The following PHF6 variants were observed in gnomAD, a reference collection of about 807,000 sequenced individuals.
PHF6 encodes the protein PHD-like zinc finger protein.
Under a neutral mutation model 34.0 loss-of-function variants are expected in PHF6, and 7 were observed. The observed-to-expected ratio is 0.21, with a 90% CI of 0.12 to 0.39. PHF6 has a LOEUF of 0.39. PHF6 is among the 10% of genes least tolerant of loss of function. PHF6 has a pLI of 1.00. For missense variants in PHF6, 128 were observed against 262.8 expected (o/e 0.49, Z 3.55); for synonymous variants, 89 against 88.4 (o/e 1.01, Z -0.04).
At chrX:134,418,673 A>G (rs989549884) in intron 9 of PHF6, 1 of 111,953 alleles carries the variant, frequency 8.9e-6, no homozygotes, top group African/African-American at 3.2e-5. Flanking sequence ...AGTGAGTTCT[A>G]TAAAGCCTTT....
intron 3 of PHF6, among the ~76,000 whole-genome samples, chrX:134,388,646 A>G (rs1432347851): frequency 1.8e-5 from 2 of 111,946 alleles, no homozygotes; most frequent in South Asian, 3.7e-4. Flanking sequence ...TCAGTTCCCT[A>G]TGGCTCTATC....
chrX:134,383,581 A>G (rs889278612), intron 3 of PHF6, among the ~76,000 whole-genome samples: 1 of 112,057 alleles, frequency 8.9e-6, no homozygotes, highest in Non-Finnish European at 1.9e-5. Flanking sequence ...AGTAGTAGAA[A>G]TAGAAATAGC....
chrX:134,413,655 T>C lies in PHF6; in HGVS notation c.583T>C (p.Tyr195His). The C allele has an allele frequency of 1.7e-6, 2 of 1,210,538 alleles. No homozygotes were observed. Among genetic ancestry groups the C allele is most frequent in the Non-Finnish European group, 2.2e-6 (2 of 894,330 alleles). The change falls in exon 6 of 11, where the codon TAT becomes CAT. Residue 195 changes from tyrosine (Y) to histidine (H), a missense_variant and splice_region_variant. Physicochemically the swap from Tyr to His is moderately conservative, Grantham distance 83 (BLOSUM62 2). Coordinates refer to ENST00000370803, the MANE Select transcript of PHF6 (RefSeq NM_001015877.2). ...HGTDEMESSS[Y>H]RDRSPHRSSP... Reference sequence around the variant, plus strand: ...AACAGATGAAATGGAAAGTAGTTCCTATGTAAGTAAAAAAAACTGTTGGAT... The same window carrying C: ...AACAGATGAAATGGAAAGTAGTTCCCATGTAAGTAAAAAAAACTGTTGGAT...
Position 134,412,586 on chromosome X carries a change from C to A in PHF6, c.419-905C>A, listed in dbSNP as rs1250376468. On this transcript the variant is annotated intron_variant, in intron 5 of 10. Transcript: ENST00000370803. ...AACTTTCCATAGTTTGAGCCTATGG[C>A]AAGTGAACATTTGGTTTTTATTACC... 2.7e-5 allele frequency among the ~76,000 whole-genome samples: 3 copies of A among 111,543 alleles called. No homozygotes were observed. In the East Asian group the frequency reaches 8.4e-4, roughly 31 times the overall value.
intron 3 of PHF6, among the ~76,000 whole-genome samples, chrX:134,382,275 G>C (rs1272009497): frequency 9.0e-6 from 1 of 111,659 alleles, no homozygotes; most frequent in Non-Finnish European, 1.9e-5. Flanking sequence ...AGGCTTTTAT[G>C]ATTTGATGCC....
chrX:134,374,318 G>C (rs1036571066), intron 1 of PHF6, among the ~76,000 whole-genome samples: 10 of 111,905 alleles, frequency 8.9e-5, no homozygotes, highest in Admixed American at 1.9e-4. Context: ...TATTTATACT[G>C]TTCAAATTCT....
Position 134,385,704 on chromosome X carries a change from G to A in PHF6, c.240+7598G>A, listed in dbSNP as rs2077328706. Among the ~76,000 whole-genome samples the A allele has an allele frequency of 5.4e-5, 6 of 111,765 alleles. No homozygotes were observed. The Admixed American group carries it at 5.7e-4, about 11-fold the overall frequency. ...ACAACTTGAGCAGTTTGAAAAGGGA[G>A]GAGAGTAATTTAGAGGGAAAAATGA... On this transcript the variant is annotated intron_variant, in intron 3 of 10. Coordinates refer to ENST00000370803, the MANE Select transcript of PHF6 (RefSeq NM_001015877.2).
In PHF6 at chrX:134,415,113, A is replaced by G; in HGVS notation, c.827A>G (p.Lys276Arg). Residue 276 changes from lysine (K) to arginine (R), a missense_variant, in exon 8 of 11, where the codon AAA becomes AGA. By Grantham distance (26) the Lys-to-Arg change is conservative. Around this residue, in one of 3 missense-constraint regions of PHF6, gnomAD observed 16 missense variants for 93.7 expected, o/e 0.17. Coordinates refer to ENST00000370803, the MANE Select transcript of PHF6 (RefSeq NM_001015877.2). ...GTACTTCAGGAGATTAAACGAGGAA[A>G]AAGAATGGTCTGTAGTTTTTATATT... ...KTVLQEIKRG[K>R]RMKCTLCSQP... 2 of 1,207,700 alleles carry G rather than the reference A, an allele frequency of 1.7e-6. No homozygotes were observed. The highest frequency in any genetic ancestry group is 2.2e-6 in the Non-Finnish European group (2 of 891,966).
intron 5 of PHF6, among the ~76,000 whole-genome samples, chrX:134,405,108 T>TC (rs2077417546): frequency 8.9e-6 from 1 of 112,163 alleles, no homozygotes; most frequent in South Asian, 3.7e-4. Flanking sequence ...CATGTGCTCT[T>TC]CCTTAGATGA....
chrX:134,420,043 G>A (rs1354395615), intron 9 of PHF6: 1 of 111,495 alleles, frequency 9.0e-6, no homozygotes, highest in Non-Finnish European at 1.9e-5. Flanking sequence ...GCCAGGCAAA[G>A]TGGCACACGC....
chrX:134,374,865 C>G (rs1002326133), intron 1 of PHF6, among the ~76,000 whole-genome samples: 7 of 111,826 alleles, frequency 6.3e-5, no homozygotes, highest in Non-Finnish European at 1.3e-4. Flanking sequence ...TGCGATGTTT[C>G]TTTTAAAGAA....
At chrX:134,403,694 G>C (rs940063853) in intron 5 of PHF6, among the ~76,000 whole-genome samples, 1 of 111,923 alleles carries the variant, frequency 8.9e-6, no homozygotes, top group Non-Finnish European at 1.9e-5. Flanking sequence ...TGGCCTCAAA[G>C]CTTCAAAAGA....
At chrX:134,373,588 C>T (rs1283257503) in intron 1 of PHF6, 121 bp downstream of exon 1, 2 of 111,166 alleles carry the variant, frequency 1.8e-5, no homozygotes, top group Non-Finnish European at 3.8e-5. Context: ...GGTGGTCTCG[C>T]TTTATTGTCA....
chrX:134,399,686 G>C (rs112679846), intron 5 of PHF6, among the ~76,000 whole-genome samples: 6 of 95,523 alleles, frequency 6.3e-5, no homozygotes, highest in African/African-American at 1.6e-4. Context: ...CACACACACA[G>C]ACACACACAC....
At chrX:134,400,120 G>A (rs751363379) in intron 5 of PHF6, among the ~76,000 whole-genome samples, 3 of 110,829 alleles carry the variant, frequency 2.7e-5, no homozygotes, top group East Asian at 5.6e-4. Flanking sequence ...ACTCTATCAC[G>A]CAGGCTGGAA....
At position 134,413,536 on chromosome X, in the gene PHF6, C is replaced by T; in HGVS notation, c.464C>T (p.Ser155Leu). 1 of 1,210,434 alleles carries T rather than the reference C, an allele frequency of 8.3e-7. No individual in the cohort carries two copies. The highest frequency in any genetic ancestry group is 1.1e-6 in the Non-Finnish European group (1 of 895,197). Residue 155 changes from serine (S) to leucine (L), a missense_variant, in exon 6 of 11, where the codon TCA becomes TTA. Physicochemically the swap from Ser to Leu is moderately radical, Grantham distance 145. This residue lies in a region of PHF6 where 97 missense variants were observed against 152.9 expected (regional missense o/e 0.63). Transcript: ENST00000370803. Reference sequence around the variant, plus strand: ...AATGAACATGAACTGGAGCCCTCATCACCTAAAAGTAAAAAGAAAAGTCGC... The same window carrying T: ...AATGAACATGAACTGGAGCCCTCATTACCTAAAAGTAAAAAGAAAAGTCGC... ...SFNEHELEPSSPKSKKKSRKG... is the reference protein window; with the variant it reads ...SFNEHELEPSLPKSKKKSRKG...
rs751688121 is a variant in PHF6, at chrX:134,415,229, T to C, written c.834+109T>C. ...ATCAGAAAATTTAAAGTAGTTCGTA[T>C]GTTAAAGCAAAGTATATATTTGACT... On this transcript the variant is annotated intron_variant, in intron 8 of 10. Coordinates refer to ENST00000370803, the MANE Select transcript of PHF6 (RefSeq NM_001015877.2). 50 of 1,163,173 alleles carry C rather than the reference T, an allele frequency of 4.3e-5. No homozygotes were observed. In the South Asian group the frequency reaches 4.8e-4, roughly 11 times the overall value.
intron 5 of PHF6, among the ~76,000 whole-genome samples, chrX:134,398,214 G>A (rs924162400): frequency 1.1e-4 from 12 of 111,638 alleles, no homozygotes; most frequent in Admixed American, 1.9e-4. Flanking sequence ...ACAACATAGC[G>A]AGACCCTCTC....
Position 134,393,928 on chromosome X carries a change from A to G in PHF6, c.394A>G (p.Lys132Glu). ...TTATAGGGTCTATTGCCGAAAACAC[A>G]AGAAAACTGCACATAACTCCGAAGG... is the stretch of plus-strand genomic sequence containing the variant. ...GIYMVYCRKHKKTAHNSEADL... is the reference protein window; with the variant it reads ...GIYMVYCRKHEKTAHNSEADL... The change falls in exon 5 of 11, where the codon AAG (lysine) becomes GAG (glutamate). Residue 132 changes from lysine (K) to glutamate (E), a missense_variant. Coordinates refer to ENST00000370803, the MANE Select transcript of PHF6 (RefSeq NM_001015877.2). 8.3e-7 allele frequency: 1 copy of G among 1,210,925 alleles called. No individual in the cohort carries two copies. The highest frequency in any genetic ancestry group is 1.1e-6 in the Non-Finnish European group (1 of 894,945).
Sources: allele counts gnomAD v4.1 joint callset (sites outside exome capture counted in the v4.1 genomes callset), GRCh38; gene constraint gnomAD v4.1.1; regional missense constraint gnomAD v4.1.1; transcripts MANE v1.5; gene names NCBI Gene and HGNC (gene_info 2026-07-23, HGNC 2026-07-21).